The following ROCK2 variants were observed in gnomAD, a reference collection of about 807,000 sequenced individuals.
ROCK2 encodes the protein Rho associated coiled-coil containing protein kinase 2, also known as rho-associated protein kinase 2.
A neutral mutation model predicts 195.1 loss-of-function variants in ROCK2; 61 were observed. That is an observed-to-expected ratio of 0.31 (90% CI 0.25 to 0.39). The LOEUF (loss-of-function observed/expected upper bound fraction) is 0.39, where lower values mean the gene tolerates loss of function less well. Ranked by LOEUF, ROCK2 falls within the 10% of genes least tolerant of loss-of-function variation. ROCK2 has a pLI of 1.00. For synonymous variants in ROCK2, 504 were observed against 545.5 expected (o/e 0.92, Z 1.06); for missense variants, 1,109 against 1,637.4 (o/e 0.68, Z 5.57).
chr2:11,276,237 C>G (rs1666823198), intron 3 of ROCK2, among the ~76,000 whole-genome samples: 1 of 152,152 alleles, frequency 6.6e-6, no homozygotes, highest in African/African-American at 2.4e-5. Context: ...ATAAATAAAA[C>G]TATCTTTGTC....
chr2:11,200,937 G>C lies in ROCK2; in HGVS notation c.2910+20C>G. 6.4e-7 allele frequency: 1 copy of C among 1,571,924 alleles called. No individual in the cohort carries two copies. The highest frequency in any genetic ancestry group is 8.6e-7 in the Non-Finnish European group (1 of 1,162,166). On this transcript the variant is annotated intron_variant, in intron 23 of 32. Transcript: ENST00000315872. ...AGCAATTTAACTATAATCCAAAAAAGCACCAAGAATTTGACTTACAGAAGC... is the reference window on the plus strand; with the variant it reads ...AGCAATTTAACTATAATCCAAAAAACCACCAAGAATTTGACTTACAGAAGC...
intron 4 of ROCK2, among the ~76,000 whole-genome samples, chr2:11,244,990 C>T (rs1665561992): frequency 6.6e-6 from 1 of 151,810 alleles, no homozygotes; most frequent in South Asian, 2.1e-4. Context: ...TCATTATGCA[C>T]ATAGATGCAA....
At position 11,332,850 on chromosome 2, in the gene ROCK2, T is replaced by C. The variant is rs1572421160; in HGVS notation, c.141+11146A>G. On this transcript the variant is annotated intron_variant, in intron 1 of 32. Coordinates refer to ENST00000315872, the MANE Select transcript of ROCK2 (RefSeq NM_004850.5). ...TATTATTCATCAATTAAAAAGAACATAGTATTCATGCTGCAACACAGATGA... is the reference window on the plus strand; with the variant it reads ...TATTATTCATCAATTAAAAAGAACACAGTATTCATGCTGCAACACAGATGA... Among the ~76,000 whole-genome samples, 3 of 152,286 alleles carry C rather than the reference T, an allele frequency of 2.0e-5. 1 individual carries two copies. In the South Asian group the frequency reaches 6.2e-4, roughly 32 times the overall value.
intron 3 of ROCK2, among the ~76,000 whole-genome samples, chr2:11,250,315 TTGTG>T (rs1665786453): frequency 6.6e-6 from 1 of 152,192 alleles, no homozygotes; most frequent in South Asian, 2.1e-4. Context: ...TTTTGTTTGT[TTGTG>T]TTTTAGGAAA....
chr2:11,288,299 AAAACAGAAAAAAAC>A (rs1396795953), intron 1 of ROCK2, among the ~76,000 whole-genome samples: 1 of 152,208 alleles, frequency 6.6e-6, no homozygotes, highest in African/African-American at 2.4e-5. Flanking sequence ...AACATGCATT[AAAACAGAAAAAAAC>A]TATATACACA....
chr2:11,340,148 A>T (rs1410831862), intron 1 of ROCK2, among the ~76,000 whole-genome samples: 1 of 152,196 alleles, frequency 6.6e-6, no homozygotes, highest in African/African-American at 2.4e-5. Flanking sequence ...TTCCGAACTC[A>T]GAATTTCTTG....
At chr2:11,267,848 T>C (rs1250767871) in intron 3 of ROCK2, among the ~76,000 whole-genome samples, 1 of 151,888 alleles carries the variant, frequency 6.6e-6, no homozygotes, top group East Asian at 1.9e-4. Flanking sequence ...GGTTTCACTG[T>C]GTGAGCCAGG....
At chr2:11,204,717 G>C (rs887117119) in intron 20 of ROCK2, among the ~76,000 whole-genome samples, 1 of 152,142 alleles carries the variant, frequency 6.6e-6, no homozygotes, top group African/African-American at 2.4e-5. Flanking sequence ...TCAAGAGCTC[G>C]TTCCTATTCT....
intron 4 of ROCK2, among the ~76,000 whole-genome samples, chr2:11,245,277 AATT>A: frequency 6.7e-6 from 1 of 149,708 alleles, no homozygotes; most frequent in Non-Finnish European, 1.5e-5. Flanking sequence ...TAAAAATATA[AATT>A]ATATTTTAGG....
chr2:11,214,082 T>TTGAGTTTTCC (rs1572252150), intron 17 of ROCK2, among the ~76,000 whole-genome samples: 1 of 152,194 alleles, frequency 6.6e-6, no homozygotes, highest in East Asian at 1.9e-4. Context: ...GAGTCGAAAT[T>TTGAGTTTTCC]TGAGTTTTCC....
chr2:11,223,278 T>G (rs1225001590), intron 7 of ROCK2, among the ~76,000 whole-genome samples: 2 of 151,960 alleles, frequency 1.3e-5, no homozygotes, highest in East Asian at 1.9e-4. Context: ...TCCTCTTTGA[T>G]GAAAAAAAGA....
At chr2:11,184,924 AG>A (rs1388896463) in intron 32 of ROCK2, among the ~76,000 whole-genome samples, 1 of 152,242 alleles carries the variant, frequency 6.6e-6, no homozygotes, top group African/African-American at 2.4e-5. Flanking sequence ...GGACGCACAT[AG>A]GGAAGCCTTG....
chr2:11,332,549 G>GT (rs1668803627), intron 1 of ROCK2, among the ~76,000 whole-genome samples: 1 of 152,170 alleles, frequency 6.6e-6, no homozygotes, highest in Non-Finnish European at 1.5e-5. Flanking sequence ...TTTGTCATTG[G>GT]TAAAATGCAC....
In ROCK2 at chr2:11,203,686, T is replaced by G. The variant is rs140759905; in HGVS notation, c.2550-1565A>C. ...ACTCACTGGCTCTTAAACTTGTGGGTAAAAAGGGAAGTTATGACTCAATGT... is the reference window on the plus strand; with the variant it reads ...ACTCACTGGCTCTTAAACTTGTGGGGAAAAAGGGAAGTTATGACTCAATGT... On this transcript the variant is annotated intron_variant, in intron 20 of 32. Transcript: ENST00000315872. Among the ~76,000 whole-genome samples, 1,080 of 152,224 alleles carry G rather than the reference T, an allele frequency of 7.1e-3. 15 individuals are homozygous for G. The highest frequency in any genetic ancestry group is 0.025 in the African/African-American group (1,028 of 41,536).
intron 1 of ROCK2, among the ~76,000 whole-genome samples, chr2:11,321,070 T>G (rs926802152): frequency 2.0e-5 from 3 of 152,340 alleles, no homozygotes; most frequent in Non-Finnish European, 4.4e-5. Flanking sequence ...TTCACGGGAC[T>G]TGAGGTACTG....
chr2:11,295,453 C>A (rs1667482613), intron 1 of ROCK2, among the ~76,000 whole-genome samples: 1 of 151,772 alleles, frequency 6.6e-6, no homozygotes, highest in South Asian at 2.1e-4. Flanking sequence ...CAGGATATAA[C>A]ACATACATGC....
intron 1 of ROCK2, among the ~76,000 whole-genome samples, chr2:11,302,969 T>C (rs1167283167): frequency 6.6e-6 from 1 of 152,170 alleles, no homozygotes; most frequent in Non-Finnish European, 1.5e-5. Context: ...CCTTGGTCTT[T>C]CTACTTCCAT....
chr2:11,198,883 C>CA (rs1553296899), intron 23 of ROCK2, 109 bp from the exon 24 acceptor site: 3 of 483,544 alleles, frequency 6.2e-6, no homozygotes, highest in Admixed American at 8.3e-5. Flanking sequence ...TCTTATTTTT[C>CA]TTTTTTTTTT....
At chr2:11,282,091 C>G (rs1667024403) in intron 3 of ROCK2, among the ~76,000 whole-genome samples, 1 of 152,180 alleles carries the variant, frequency 6.6e-6, no homozygotes, top group African/African-American at 2.4e-5. Flanking sequence ...TGGCTCGCAC[C>G]TGTAATCCTA....
Sources: allele counts gnomAD v4.1 joint callset (sites outside exome capture counted in the v4.1 genomes callset), GRCh38; gene constraint gnomAD v4.1.1; transcripts MANE v1.5; gene names NCBI Gene and HGNC (gene_info 2026-07-23, HGNC 2026-07-21).